The following PLAG1 variants were observed in gnomAD, a reference collection of about 807,000 sequenced individuals.
The protein encoded by PLAG1 is zinc finger protein PLAG1.
PLAG1 carries 7 observed loss-of-function variants against 35.5 expected under a neutral mutation model. The observed-to-expected ratio is 0.20, with a 90% CI of 0.11 to 0.37. The LOEUF (loss-of-function observed/expected upper bound fraction) is 0.37, where lower values mean the gene tolerates loss of function less well. PLAG1 is among the 10% of genes least tolerant of loss of function. The pLI, the probability that PLAG1 is intolerant of heterozygous loss-of-function variation, is 1.00. For missense variants in PLAG1, 454 were observed against 602.8 expected (o/e 0.75, Z 2.58); for synonymous variants, 229 against 225.4 (o/e 1.02, Z -0.14).
In PLAG1 at chr8:56,205,005, G is replaced by GA. The variant is rs558945820; in HGVS notation, c.-322+6115dup. 4.4e-3 allele frequency among the ~76,000 whole-genome samples: 666 copies of GA among 152,016 alleles called. 8 individuals carry two copies. The highest frequency in any genetic ancestry group is 0.015 in the African/African-American group (632 of 41,552). On this transcript the variant is annotated intron_variant, in intron 1 of 4. Coordinates refer to ENST00000316981, the MANE Select transcript of PLAG1 (RefSeq NM_002655.3). ...CACTTGCTAATTAATAAACGGGAAA[G>GA]AAAAAATTCCTTTAATCGGCAGCAT...
chr8:56,184,915 C>A (rs1464539162), intron 1 of PLAG1, among the ~76,000 whole-genome samples: 1 of 152,066 alleles, frequency 6.6e-6, no homozygotes, highest in African/African-American at 2.4e-5. Context: ...CCACTGCACT[C>A]CAGTCTGGGT....
chr8:56,167,410 A>G lies in PLAG1; in HGVS notation c.336T>C (p.His112=), dbSNP rs755610986. 1.1e-5 allele frequency: 17 copies of G among 1,613,342 alleles called. No homozygotes were observed. The highest frequency in any genetic ancestry group is 8.3e-5 in the Admixed American group (5 of 59,934). ...ACGTCTCTTTGTTAGGGTCGTGTGT[A>G]TGGAGGTGATTCTTCAGATGATCTT... ...HRKDHLKNHL[H]THDPNKETFK... Residue 112 remains histidine, a synonymous_variant, in exon 5 of 5, where the codon CAT becomes CAC. Transcript: ENST00000316981. This position sits in a 1 kb window ranked among gnomAD's most constrained non-coding sequence, Gnocchi z 5.9.
chr8:56,203,326 A>T (rs931569337), intron 1 of PLAG1, among the ~76,000 whole-genome samples: 14 of 152,120 alleles, frequency 9.2e-5, no homozygotes, highest in Admixed American at 7.2e-4. Flanking sequence ...CTTTCATTCT[A>T]TGTCTAATTA....
In PLAG1 at chr8:56,166,460, C is replaced by G; in HGVS notation, c.1286G>C (p.Gly429Ala). The G allele has an allele frequency of 6.2e-7, 1 of 1,613,180 alleles. No individual in the cohort carries two copies. ...CACTGATAGAGGATTATAGGGAGGA[C>G]CATTTAAAGGTATGAAATTAAACAA... is the stretch of plus-strand genomic sequence containing the variant. ...SQLFNFIPLN[G>A]PPYNPLSVGS... The change falls in exon 5 of 5, where the codon GGT becomes GCT. Residue 429 changes from glycine to alanine, a missense_variant. Physicochemically the swap from Gly to Ala is moderately conservative, Grantham distance 60. Transcript: ENST00000316981.
intron 2 of PLAG1, among the ~76,000 whole-genome samples, chr8:56,174,064 C>G (rs774280745): frequency 6.6e-6 from 1 of 152,116 alleles, no homozygotes; most frequent in Admixed American, 6.5e-5. Flanking sequence ...ATAATTATTT[C>G]ATATTTAAAA....
intron 2 of PLAG1, among the ~76,000 whole-genome samples, chr8:56,171,928 C>G (rs1464491007): frequency 6.6e-6 from 1 of 152,084 alleles, no homozygotes; most frequent in Non-Finnish European, 1.5e-5. Flanking sequence ...AGATCACACA[C>G]AGAAAACAAT....
chr8:56,168,476 G>A (rs564723419), intron 3 of PLAG1, 90 bp from the exon 4 acceptor site: 187 of 489,490 alleles, frequency 3.8e-4, no homozygotes, highest in Non-Finnish European at 5.7e-4. Flanking sequence ...AATTAAAAAA[G>A]AAACCAATAA....
At chr8:56,178,522 C>T (rs1811773886) in intron 2 of PLAG1, among the ~76,000 whole-genome samples, 1 of 152,052 alleles carries the variant, frequency 6.6e-6, no homozygotes, top group Non-Finnish European at 1.5e-5. Flanking sequence ...ATGCTTAAAC[C>T]CATAGAATGT....
At chr8:56,196,281 C>A (rs1012816172) in intron 1 of PLAG1, among the ~76,000 whole-genome samples, 10 of 152,160 alleles carry the variant, frequency 6.6e-5, no homozygotes, top group African/African-American at 2.4e-4. Flanking sequence ...AACTGTTGAA[C>A]CTGGTGATAC....
intron 2 of PLAG1, among the ~76,000 whole-genome samples, chr8:56,173,869 A>G (rs1304770366): frequency 6.6e-6 from 1 of 152,146 alleles, no homozygotes; most frequent in Non-Finnish European, 1.5e-5. Flanking sequence ...ACATTATTCT[A>G]AAACAGTGAC....
rs954634959 is a variant in PLAG1, at chr8:56,165,195, C to T, written c.*1048G>A. On this transcript the variant is annotated 3_prime_UTR_variant, in exon 5 of 5. Transcript: ENST00000316981. The stretch of plus-strand genomic sequence containing the variant: ...TAACCCTGGCTACAGGGGCCATGAT[C>T]CCTACACAAGTTCCCAAATGTAACC... 2 of 213,364 alleles carry T rather than the reference C, an allele frequency of 9.4e-6. No homozygotes were observed. The highest frequency in any genetic ancestry group is 4.5e-5 in the African/African-American group (2 of 44,212). 13.2% of individuals were successfully genotyped at this position (213,364 alleles called of 1,614,324 possible).
intron 1 of PLAG1, among the ~76,000 whole-genome samples, chr8:56,190,534 G>T (rs1812152311): frequency 6.6e-6 from 1 of 152,180 alleles, no homozygotes; most frequent in South Asian, 2.1e-4. Context: ...GAGGCCTGGG[G>T]TGAGGAAGGA....
At position 56,166,211 on chromosome 8, in the gene PLAG1, A is replaced by T. The variant is rs754956552; in HGVS notation, c.*32T>A. ...GGTCATCTAGGGCACAGCTACACAT[A>T]CATTTCTGTAATGAATCCATGTCCC... On this transcript the variant is annotated 3_prime_UTR_variant, in exon 5 of 5. Transcript: ENST00000316981. The T allele has an allele frequency of 2.0e-6, 3 of 1,478,054 alleles. No homozygotes were observed. The highest frequency in any genetic ancestry group is 2.7e-6 in the Non-Finnish European group (3 of 1,093,820). The allele number at this position is 1,478,054 out of a possible 1,614,324, so 91.6% of individuals were successfully genotyped here.
intron 1 of PLAG1, among the ~76,000 whole-genome samples, chr8:56,203,952 G>T (rs1812629889): frequency 6.6e-6 from 1 of 151,938 alleles, no homozygotes; most frequent in African/African-American, 2.4e-5. Flanking sequence ...ACAAATTCAT[G>T]TTTGAGGTGT....
intron 3 of PLAG1, among the ~76,000 whole-genome samples, chr8:56,169,449 A>T (rs1030150265): frequency 6.6e-6 from 1 of 152,200 alleles, no homozygotes; most frequent in Non-Finnish European, 1.5e-5. Context: ...TCGACAAAAC[A>T]TAGTAAATAT....
Position 56,166,560 on chromosome 8 carries a change from C to T in PLAG1, c.1186G>A (p.Gly396Arg). Residue 396 changes from glycine to arginine, a missense_variant, in exon 5 of 5, where the codon GGA becomes AGA. By Grantham distance (125) the Gly-to-Arg change is moderately radical. Transcript: ENST00000316981. ...PQIGSLDDGA[G>R]DLSLSKSSIS... ...GAGCTTTTGGATAGGGAGAGGTCTC[C>T]TGCACCATCATCTAGGGACCCAATC... 1 of 1,613,852 alleles carries T rather than the reference C, an allele frequency of 6.2e-7. No homozygotes were observed. Among genetic ancestry groups the T allele is most frequent in the East Asian group, 2.2e-5 (1 of 44,878 alleles).
At position 56,167,197 on chromosome 8, in the gene PLAG1, TTTTTCTTTA is replaced by T; in HGVS notation, c.540_548del (p.Glu182_Lys184del). On this transcript the variant is annotated inframe_deletion, in exon 5 of 5. Transcript: ENST00000316981. The surrounding 1 kb of genome is among the most constrained non-coding windows in gnomAD (Gnocchi z 5.9). The stretch of plus-strand genomic sequence containing the variant: ...GATCACAATGTTCGCACTGGTGCTT[TTTTTCTTTA>T]ACCCCACCAGACGACTTGCCTGCAT... 6.2e-7 allele frequency: 1 copy of T among 1,614,012 alleles called. No individual in the cohort carries two copies. The highest frequency in any genetic ancestry group is 8.5e-7 in the Non-Finnish European group (1 of 1,180,010).
intron 1 of PLAG1, among the ~76,000 whole-genome samples, chr8:56,182,469 A>T (rs2062924444): frequency 6.6e-6 from 1 of 152,130 alleles, no homozygotes; most frequent in South Asian, 2.1e-4. Flanking sequence ...TAGAACTTCA[A>T]GGAGAAGGAA....
In PLAG1 at chr8:56,173,533, C is replaced by G. The variant is rs145072232; in HGVS notation, c.-216-2344G>C. Among the ~76,000 whole-genome samples, 640 of 151,722 alleles carry G rather than the reference C, an allele frequency of 4.2e-3. 6 individuals are homozygous for G. Among genetic ancestry groups the G allele is most frequent in the African/African-American group, 0.015 (621 of 41,370 alleles). On this transcript the variant is annotated intron_variant, in intron 2 of 4. Coordinates refer to ENST00000316981, the MANE Select transcript of PLAG1 (RefSeq NM_002655.3). ...AAAAACTTAAAAAGCACCAGGAGTACTATTCTGAAAAGTGCAACAAAACTT... is the reference window on the plus strand; with the variant it reads ...AAAAACTTAAAAAGCACCAGGAGTAGTATTCTGAAAAGTGCAACAAAACTT...
Sources: gnomAD v4.1 joint callset for allele counts (sites outside exome capture counted in the v4.1 genomes callset) on GRCh38, gnomAD v4.1.1 for gene constraint, Gnocchi (gnomAD v3.1) non-coding constraint, MANE v1.5 for transcripts, NCBI Gene and HGNC (gene_info 2026-07-23, HGNC 2026-07-21) for gene names.